The following ZNF678 variants were observed in gnomAD, a reference collection of about 807,000 sequenced individuals.
ZNF678 encodes the protein zinc finger protein 678.
In ZNF678, 5 loss-of-function variants were observed where a neutral mutation model predicts 3.0. The observed-to-expected ratio is 1.69, with a 90% CI of 0.88 to 3.56. ZNF678 has a LOEUF of 3.56. Ranked by LOEUF, ZNF678 falls within the 30% of genes most tolerant of loss-of-function variation. The pLI is 0.00. For missense variants in ZNF678, 593 were observed against 605.0 expected (o/e 0.98, Z 0.21); for synonymous variants, 218 against 199.6 (o/e 1.09, Z -0.78).
At chr1:227,616,143 T>A (rs1305020662) in intron 1 of ZNF678, among the ~76,000 whole-genome samples, 1 of 152,194 alleles carries the variant, frequency 6.6e-6, no homozygotes, top group African/African-American at 2.4e-5. Flanking sequence ...TGGTCCTGTT[T>A]CAGGAACACC....
rs769387796 is a variant in ZNF678 at position 227,655,211 on chromosome 1, T to C, written c.961T>C (p.Tyr321His). 3.7e-6 allele frequency: 6 copies of C among 1,612,676 alleles called. No homozygotes were observed. In the South Asian group the frequency reaches 6.6e-5, roughly 18 times the overall value. Reference protein sequence around the residue: ...HKRIHTGEKPYQCEECGKTFN... With the variant: ...HKRIHTGEKPHQCEECGKTFN... The stretch of plus-strand genomic sequence containing the variant: ...AAGAATTCATACTGGAGAAAAACCC[T>C]ACCAATGTGAAGAATGTGGCAAAAC... Residue 321 changes from tyrosine to histidine, a missense_variant, in exon 4 of 4, where the codon TAC becomes CAC. Tyr to His is a moderately conservative substitution (Grantham distance 83, BLOSUM62 2). Transcript: ENST00000343776.
intron 1 of ZNF678, among the ~76,000 whole-genome samples, chr1:227,609,871 C>T (rs1471536911): frequency 2.0e-5 from 3 of 151,966 alleles, no homozygotes; most frequent in Admixed American, 2.0e-4. Flanking sequence ...GTAGCTGGGA[C>T]TACAGGCGCG....
chr1:227,650,915 A>C, intron 2 of ZNF678, 41 bp from the exon 3 acceptor site: 1 of 1,485,628 alleles, frequency 6.7e-7, no homozygotes, highest in Non-Finnish European at 9.1e-7. Context: ...TTCAATTTTT[A>C]TGGCTTTTAA....
chr1:227,640,205 A>T (rs1658784157), intron 1 of ZNF678, among the ~76,000 whole-genome samples: 1 of 152,080 alleles, frequency 6.6e-6, no homozygotes, highest in Non-Finnish European at 1.5e-5. Context: ...AGGCTTCAGG[A>T]GAGGGTGGTG....
chr1:227,610,746 A>G (rs1657996606), intron 1 of ZNF678, among the ~76,000 whole-genome samples: 1 of 152,220 alleles, frequency 6.6e-6, no homozygotes, highest in South Asian at 2.1e-4. Flanking sequence ...AAACCGGTAC[A>G]GCTTTCCAAC....
At position 227,655,838 on chromosome 1, in the gene ZNF678, C is replaced by T. The variant is rs531953752; in HGVS notation, c.*10C>T. 38 of 1,549,572 alleles carry T rather than the reference C, an allele frequency of 2.5e-5. No homozygotes were observed. The highest frequency in any genetic ancestry group is 2.4e-4 in the Admixed American group (12 of 49,094). ...ATGTGGCAGTCTTTAAAAACTGCTT[C>T]ATTATACATGGCTTCACTAATTTCA... On this transcript the variant is annotated 3_prime_UTR_variant, in exon 4 of 4. Transcript: ENST00000343776.
Position 227,589,650 on chromosome 1 carries a change from G to A in ZNF678, c.-164+25926G>A, listed in dbSNP as rs543552863. The stretch of plus-strand genomic sequence containing the variant: ...GCTGTGATCAATTGAGCAAGCAGGG[G>A]GTGCATGACTGGGGACTGCATGCAC... On this transcript the variant is annotated intron_variant, in intron 1 of 3. Coordinates refer to ENST00000343776, the MANE Select transcript of ZNF678 (RefSeq NM_001367909.1). Among the ~76,000 whole-genome samples, 3 of 151,656 alleles carry A rather than the reference G, an allele frequency of 2.0e-5. No individual in the cohort carries two copies. The South Asian group carries it at 6.3e-4, about 32-fold the overall frequency.
chr1:227,618,241 G>A (rs192257639), intron 1 of ZNF678, among the ~76,000 whole-genome samples: 1 of 152,292 alleles, frequency 6.6e-6, no homozygotes, highest in East Asian at 1.9e-4. Context: ...CTCACTCTGG[G>A]TGCCGCTCAG....
rs1192239169 is a variant in ZNF678 at position 227,658,929 on chromosome 1, A to G, written c.*3101A>G. The G allele has an allele frequency of 6.6e-6, 1 of 152,088 alleles. No individual in the cohort carries two copies. The highest frequency in any genetic ancestry group is 1.5e-5 in the Non-Finnish European group (1 of 67,976). 9.4% of individuals were successfully genotyped at this position (152,088 alleles called of 1,614,324 possible). A position where few individuals can be genotyped will look rare whatever the true frequency, so the allele number is the denominator to read the frequency against. ...TATATATCATAATCACTATATAAAG[A>G]AACATCAGAATTTGGAAACCCCTTA... On this transcript the variant is annotated 3_prime_UTR_variant, in exon 4 of 4. Coordinates refer to ENST00000343776, the MANE Select transcript of ZNF678 (RefSeq NM_001367909.1).
In ZNF678 at chr1:227,651,082, G is replaced by T. The variant is rs777047152; in HGVS notation, c.85+6G>T. On this transcript the variant is annotated splice_donor_region_variant and intron_variant, in intron 3 of 3. Transcript: ENST00000343776. Reference sequence around the variant, plus strand: ...TTATAAACTGGTTTATACAGGTAAAGATTTTATCCTATTGGGTCTCCAGGC... The same window carrying T: ...TTATAAACTGGTTTATACAGGTAAATATTTTATCCTATTGGGTCTCCAGGC... 6 of 1,612,856 alleles carry T rather than the reference G, an allele frequency of 3.7e-6. No homozygotes were observed. In the African/African-American group the frequency reaches 8.0e-5, roughly 22 times the overall value.
At chr1:227,604,721 A>T (rs1324998995) in intron 1 of ZNF678, among the ~76,000 whole-genome samples, 1 of 152,134 alleles carries the variant, frequency 6.6e-6, no homozygotes, top group East Asian at 1.9e-4. Context: ...TTTTCTAATG[A>T]CTAATGTTAA....
chr1:227,581,544 A>G (rs1322631901), intron 1 of ZNF678, among the ~76,000 whole-genome samples: 1 of 152,196 alleles, frequency 6.6e-6, no homozygotes, highest in African/African-American at 2.4e-5. Flanking sequence ...TGTACTCTTT[A>G]TGATTGGCTT....
chr1:227,570,444 A>G (rs1431635560), intron 1 of ZNF678, among the ~76,000 whole-genome samples: 1 of 152,222 alleles, frequency 6.6e-6, no homozygotes, highest in Non-Finnish European at 1.5e-5. Flanking sequence ...ATGACACTTC[A>G]TTAATCAAAG....
intron 2 of ZNF678, among the ~76,000 whole-genome samples, chr1:227,650,292 C>T (rs1056623171): frequency 2.0e-5 from 3 of 152,054 alleles, no homozygotes; most frequent in Non-Finnish European, 4.4e-5. Context: ...ATTCTTGACG[C>T]CCTTGTTAAA....
chr1:227,620,050 G>A lies in ZNF678; in HGVS notation c.-163-26494G>A, dbSNP rs575802340. ...GTAATTGGTCACTTGTGAGAGTTGA[G>A]ACTCTGGAGGAGCATCTCCATATGG... On this transcript the variant is annotated intron_variant, in intron 1 of 3. Coordinates refer to ENST00000343776, the MANE Select transcript of ZNF678 (RefSeq NM_001367909.1). 1.7e-4 allele frequency among the ~76,000 whole-genome samples: 26 copies of A among 152,274 alleles called. 1 individual carries two copies. In the East Asian group the frequency reaches 3.3e-3, roughly 19 times the overall value.
chr1:227,579,003 G>C (rs1334592333), intron 1 of ZNF678, among the ~76,000 whole-genome samples: 4 of 152,182 alleles, frequency 2.6e-5, no homozygotes. Context: ...GTTTCTGGCA[G>C]ATTTTAGGGG....
chr1:227,634,300 G>C (rs923246966), intron 1 of ZNF678, among the ~76,000 whole-genome samples: 1 of 152,144 alleles, frequency 6.6e-6, no homozygotes, highest in Non-Finnish European at 1.5e-5. Context: ...ACATTCCCAG[G>C]TGTGGTGGCT....
intron 1 of ZNF678, among the ~76,000 whole-genome samples, chr1:227,590,062 C>T (rs982260644): frequency 4.0e-5 from 6 of 151,748 alleles, no homozygotes; most frequent in African/African-American, 1.5e-4. Flanking sequence ...AGCGATGAAA[C>T]CTTTTACCAT....
chr1:227,626,558 C>A (rs890804045), intron 1 of ZNF678, among the ~76,000 whole-genome samples: 12 of 152,014 alleles, frequency 7.9e-5, no homozygotes, highest in African/African-American at 2.9e-4. Context: ...CTAAGTTGGC[C>A]ATCTCTAGGT....
Sources: allele counts gnomAD v4.1 joint callset (sites outside exome capture counted in the v4.1 genomes callset), GRCh38; gene constraint gnomAD v4.1.1; transcripts MANE v1.5; gene names NCBI Gene and HGNC (gene_info 2026-07-23, HGNC 2026-07-21).